Variants in HNRNPH1 observed in about 807,000 individuals in gnomAD.
HNRNPH1 encodes the protein heterogeneous nuclear ribonucleoprotein H.
HNRNPH1 carries 4 observed loss-of-function variants against 58.6 expected under a neutral mutation model. The ratio of observed to expected loss-of-function variants is 0.07; its 90% CI spans 0.03 to 0.16. HNRNPH1 has a LOEUF of 0.16. HNRNPH1 is among the 10% of genes least tolerant of loss of function. The pLI is 1.00. For missense variants in HNRNPH1, 271 were observed against 564.2 expected, an observed-to-expected ratio of 0.48 and a Z score of 5.26; for synonymous variants, 192 against 189.2, an observed-to-expected ratio of 1.01 and a Z score of -0.12.
chr5:179,618,803 A>G (rs1270574942), intron 4 of HNRNPH1: 1 of 158,412 alleles, frequency 6.3e-6, no homozygotes, highest in African/African-American at 2.4e-5. Flanking sequence ...AATAGTCACA[A>G]GCAAAGAGAA....
Position 179,632,014 on chromosome 5 carries a change from A to G in HNRNPH1, c.-32+2051T>C, listed in dbSNP as rs922944764. On this transcript the variant is annotated intron_variant, in intron 2 of 4. Transcript: ENST00000521116. ...ACTGCAAGCTGCGGAGACTTAAGAAAAGGGCGTCTCGGCCGGGCGCGGCGG... is the reference window on the plus strand; with the variant it reads ...ACTGCAAGCTGCGGAGACTTAAGAAGAGGGCGTCTCGGCCGGGCGCGGCGG... Among the ~76,000 whole-genome samples, 5 of 152,230 alleles carry G rather than the reference A, an allele frequency of 3.3e-5. No homozygotes were observed. In the South Asian group the frequency reaches 1.0e-3, roughly 32 times the overall value.
At chr5:179,620,281 CA>C (rs1179592331) in intron 3 of HNRNPH1, among the ~76,000 whole-genome samples, 2 of 152,188 alleles carry the variant, frequency 1.3e-5, no homozygotes, top group Non-Finnish European at 2.9e-5. Flanking sequence ...GCAATCTTAT[CA>C]GCTCTTCAGC....
chr5:179,627,537 C>T (rs915105896), upstream of HNRNPH1, among the ~76,000 whole-genome samples: 6 of 151,364 alleles, frequency 4.0e-5, no homozygotes, highest in African/African-American at 4.9e-5. Context: ...GGTCTCACTT[C>T]GTCACTCAGG....
chr5:179,632,753 C>CGT (rs1554137222), intron 2 of HNRNPH1, among the ~76,000 whole-genome samples: 1 of 92,014 alleles, frequency 1.1e-5, no homozygotes, highest in Non-Finnish European at 2.0e-5. Context: ...AATCAAATAT[C>CGT]TTTTTTTTTT....
At chr5:179,621,818 T>C (rs1772510083) in intron 1 of HNRNPH1, 1 of 385,044 alleles carries the variant, frequency 2.6e-6, no homozygotes, top group Non-Finnish European at 5.1e-6. Flanking sequence ...CTCATTCAAA[T>C]TCAAATTACA....
chr5:179,615,302 A>G (rs995903885), intron 12 of HNRNPH1: 5 of 459,126 alleles, frequency 1.1e-5, no homozygotes, highest in Admixed American at 7.5e-5. Flanking sequence ...AAAATTTAAC[A>G]TAAACATTCA....
intron 2 of HNRNPH1, among the ~76,000 whole-genome samples, chr5:179,631,551 G>C (rs1037142699): frequency 2.6e-5 from 4 of 152,022 alleles, no homozygotes. Flanking sequence ...TTCAAGACCA[G>C]CCTGGCCAAC....
chr5:179,625,722 C>A (rs1049949570), upstream of HNRNPH1, among the ~76,000 whole-genome samples: 12 of 150,526 alleles, frequency 8.0e-5, no homozygotes, highest in African/African-American at 2.7e-4. Context: ...ATAGCCAATT[C>A]TCTTATATAT....
upstream of HNRNPH1, among the ~76,000 whole-genome samples, chr5:179,625,298 C>G (rs1247528622): frequency 1.3e-5 from 2 of 152,078 alleles, no homozygotes; most frequent in Non-Finnish European, 2.9e-5. Context: ...GAGTTTCAGA[C>G]CAGCTTGGCC....
chr5:179,627,595 G>A (rs1159801095), upstream of HNRNPH1, among the ~76,000 whole-genome samples: 1 of 151,544 alleles, frequency 6.6e-6, no homozygotes, highest in South Asian at 2.1e-4. Flanking sequence ...TCCACCTCCC[G>A]GGTTCAAGCA....
At chr5:179,624,777 A>C (rs1774200582), upstream of HNRNPH1, 1 of 393,768 alleles carries the variant, frequency 2.5e-6, no homozygotes, top group African/African-American at 2.1e-5. Context: ...ATTAACAATA[A>C]GGTAGTGCTG....
Position 179,614,947 on chromosome 5 carries a change from G to C in HNRNPH1, c.*13C>G. ...ACTACTGTAGTAGCTGCTGTTCACT[G>C]CTCCTTGGTTACCTGCAAAGAGATC... On this transcript the variant is annotated 3_prime_UTR_variant, in exon 13 of 13. Coordinates refer to ENST00000356731, the Ensembl canonical transcript of HNRNPH1. 5 of 1,543,638 alleles carry C rather than the reference G, an allele frequency of 3.2e-6. No individual in the cohort carries two copies. In the South Asian group the frequency reaches 6.0e-5, roughly 18 times the overall value.
intron 1 of HNRNPH1, chr5:179,621,838 C>A: frequency 2.4e-6 from 1 of 421,958 alleles, no homozygotes; most frequent in South Asian, 1.7e-5. Flanking sequence ...AAGCCCAATA[C>A]TCACCTGAAA....
intron 2 of HNRNPH1, among the ~76,000 whole-genome samples, chr5:179,630,326 G>T (rs1376966505): frequency 6.6e-6 from 1 of 151,912 alleles, no homozygotes; most frequent in Non-Finnish European, 1.5e-5. Context: ...TCCAGCCTGG[G>T]CAACAACAGT....
At chr5:179,618,052 C>T (rs991842779) in exon 6 of HNRNPH1, 4 of 1,614,082 alleles carry the variant, frequency 2.5e-6, no homozygotes, top group East Asian at 2.2e-5. Flanking sequence ...TCATCATAGC[C>T]TCCATAGCCT....
chr5:179,630,242 G>C (rs1171926180), intron 2 of HNRNPH1, among the ~76,000 whole-genome samples: 1 of 150,778 alleles, frequency 6.6e-6, no homozygotes, highest in Admixed American at 6.6e-5. Flanking sequence ...CCAGCTACTT[G>C]GGAGGCTGAG....
upstream of HNRNPH1, among the ~76,000 whole-genome samples, chr5:179,627,881 CACT>C (rs1402208158): frequency 5.4e-5 from 8 of 149,216 alleles, no homozygotes; most frequent in Non-Finnish European, 1.2e-4. Context: ...GAGATCCTGC[CACT>C]GTACTCCAGC....
intron 1 of HNRNPH1, 132 bp downstream of exon 2, chr5:179,622,905 G>GGGGGCGCCAA (rs1773274577): frequency 6.5e-6 from 1 of 154,836 alleles, no homozygotes; most frequent in African/African-American, 2.6e-5. Context: ...CGCCTCGCCA[G>GGGGGCGCCAA]GGGGCGCCCC....
intron 3 of HNRNPH1, among the ~76,000 whole-genome samples, chr5:179,620,360 C>G (rs961469412): frequency 1.3e-5 from 2 of 152,234 alleles, no homozygotes; most frequent in African/African-American, 4.8e-5. Flanking sequence ...ACTGAGACTA[C>G]AAGCATTCAA....
Sources: gnomAD v4.1 joint callset for allele counts (sites outside exome capture counted in the v4.1 genomes callset) on GRCh38, gnomAD v4.1.1 for gene constraint, MANE v1.5 for transcripts, NCBI Gene and HGNC (gene_info 2026-07-23, HGNC 2026-07-21) for gene names.